The following PACRG variants were observed in gnomAD, a reference collection of about 807,000 sequenced individuals.
PACRG encodes the protein parkin coregulated.
In PACRG, 29 loss-of-function variants were observed where a neutral mutation model predicts 29.7. The ratio of observed to expected loss-of-function variants is 0.98; its 90% CI spans 0.73 to 1.33. The LOEUF is 1.33. Ranked by LOEUF, PACRG falls within the 40% of genes most tolerant of loss-of-function variation. The probability of loss-of-function intolerance (pLI) is 0.00; values close to 1 mark genes in which losing one functional copy is unlikely to be tolerated. For synonymous variants in PACRG, 116 were observed against 118.7 expected (o/e 0.98, Z 0.15); for missense variants, 279 against 316.2 (o/e 0.88, Z 0.89).
At chr6:162,805,725 A>T (rs116696691) in intron 1 of PACRG, among the ~76,000 whole-genome samples, 27 of 152,322 alleles carry the variant, frequency 1.8e-4, no homozygotes, top group Admixed American at 1.8e-3. Context: ...TGTTCAAAGT[A>T]TCTTCACCAG....
intron 2 of PACRG, among the ~76,000 whole-genome samples, chr6:162,858,691 T>C (rs1244124821): frequency 6.6e-6 from 1 of 152,148 alleles, no homozygotes; most frequent in Non-Finnish European, 1.5e-5. Context: ...GACTGGAGGA[T>C]GAAATGGCAT....
chr6:163,206,653 A>G (rs1309755740), intron 4 of PACRG, among the ~76,000 whole-genome samples: 1 of 152,168 alleles, frequency 6.6e-6, no homozygotes, highest in African/African-American at 2.4e-5. Flanking sequence ...TCTGAGACAC[A>G]TGTACCCCTG....
intron 2 of PACRG, among the ~76,000 whole-genome samples, chr6:162,868,660 G>A (rs1302325551): frequency 6.6e-6 from 1 of 152,088 alleles, no homozygotes; most frequent in African/African-American, 2.4e-5. Flanking sequence ...CCAGAGCACA[G>A]CCTCCTTTCC....
At chr6:162,727,449 G>A (rs1779316372), upstream of PACRG, among the ~76,000 whole-genome samples, 1 of 152,120 alleles carries the variant, frequency 6.6e-6, no homozygotes, top group South Asian at 2.1e-4. Context: ...GAGCAGGGGC[G>A]GGCAGGCGAG....
intron 1 of PACRG, among the ~76,000 whole-genome samples, chr6:162,778,951 C>T (rs536208767): frequency 2.2e-4 from 33 of 152,270 alleles, no homozygotes; most frequent in East Asian, 5.8e-4. Context: ...TGTGCCATGG[C>T]GGTTTGCTGC....
upstream of PACRG, chr6:162,727,321 G>GGGGCGGCGGCGGGGCGAAGGTGAA: frequency 3.7e-5 from 14 of 380,910 alleles, no homozygotes; most frequent in South Asian, 5.3e-4. Context: ...GCGAAGGTGA[G>GGGGCGGCGGCGGGGCGAAGGTGAA]GGGCGGCGGC....
chr6:163,209,339 C>G (rs996441365), intron 4 of PACRG, among the ~76,000 whole-genome samples: 3 of 152,164 alleles, frequency 2.0e-5, no homozygotes, highest in Non-Finnish European at 4.4e-5. Flanking sequence ...GAAAGTGGAG[C>G]TTTGCAAAAG....
intron 4 of PACRG, among the ~76,000 whole-genome samples, chr6:163,304,015 C>CAAAAAAAAAA (rs59861286): frequency 5.2e-5 from 4 of 76,246 alleles, no homozygotes; most frequent in East Asian, 4.0e-4. Context: ...GACTCCATTT[C>CAAAAAAAAAA]AAAAAAAAAA....
chr6:163,164,752 T>G (rs1456476464), intron 4 of PACRG, among the ~76,000 whole-genome samples: 3 of 152,232 alleles, frequency 2.0e-5, no homozygotes, highest in African/African-American at 7.2e-5. Flanking sequence ...GTGAACTAGA[T>G]AGGCCACATG....
intron 4 of PACRG, among the ~76,000 whole-genome samples, chr6:163,293,658 A>G (rs1224075437): frequency 6.6e-6 from 1 of 152,242 alleles, no homozygotes; most frequent in Non-Finnish European, 1.5e-5. Flanking sequence ...TTAAGAGGAC[A>G]TATAACAACA....
intron 2 of PACRG, among the ~76,000 whole-genome samples, chr6:163,041,461 T>G (rs2128237397): frequency 6.6e-6 from 1 of 152,254 alleles, no homozygotes; most frequent in African/African-American, 2.4e-5. Flanking sequence ...TCTCATGAGA[T>G]TTGATGGTTT....
At chr6:162,870,204 A>G (rs1792681844) in intron 2 of PACRG, among the ~76,000 whole-genome samples, 1 of 152,222 alleles carries the variant, frequency 6.6e-6, no homozygotes, top group South Asian at 2.1e-4. Context: ...TTTCACATGC[A>G]GGGAATGCAT....
intron 4 of PACRG, among the ~76,000 whole-genome samples, chr6:163,118,245 GGATGAACGGGTTTATGAATAGCA>G (rs1816107978): frequency 6.6e-6 from 1 of 152,134 alleles, no homozygotes; most frequent in African/African-American, 2.4e-5. Context: ...TTCAATTTTC[GGATGAACGGGTTTATGAATAGCA>G]GCGTATCACC....
chr6:162,785,572 G>T (rs1160803093), intron 1 of PACRG, among the ~76,000 whole-genome samples: 1 of 151,926 alleles, frequency 6.6e-6, no homozygotes, highest in African/African-American at 2.4e-5. Context: ...ACGGCCAGGG[G>T]GTGAAGGGGT....
At chr6:162,835,323 T>C (rs1384150292) in intron 2 of PACRG, among the ~76,000 whole-genome samples, 1 of 152,130 alleles carries the variant, frequency 6.6e-6, no homozygotes, top group Non-Finnish European at 1.5e-5. Flanking sequence ...TTGAGAATTA[T>C]TTATAAAGCA....
intron 2 of PACRG, among the ~76,000 whole-genome samples, chr6:162,869,743 A>G (rs542506172): frequency 3.3e-5 from 5 of 152,352 alleles, no homozygotes; most frequent in African/African-American, 4.8e-5. Flanking sequence ...TTCATTATCA[A>G]TAATACCATG....
chr6:163,251,569 T>C (rs1182200733), intron 4 of PACRG, among the ~76,000 whole-genome samples: 1 of 152,172 alleles, frequency 6.6e-6, no homozygotes, highest in Non-Finnish European at 1.5e-5. Context: ...TTAGTGTGTA[T>C]TAATCGTCCT....
At chr6:162,875,185 TCACA>T (rs149517993) in intron 2 of PACRG, among the ~76,000 whole-genome samples, 9 of 149,280 alleles carry the variant, frequency 6.0e-5, no homozygotes, top group African/African-American at 2.2e-4. Context: ...TCATACACAT[TCACA>T]CACACATCCA....
chr6:162,731,185 C>A (rs1779740033), intron 1 of PACRG, among the ~76,000 whole-genome samples: 1 of 151,962 alleles, frequency 6.6e-6, no homozygotes, highest in Non-Finnish European at 1.5e-5. Context: ...TGAAGTGGTC[C>A]AAAATACAAA....
Sources: gnomAD v4.1 joint callset for allele counts (sites outside exome capture counted in the v4.1 genomes callset) on GRCh38, gnomAD v4.1.1 for gene constraint, MANE v1.5 for transcripts, NCBI Gene and HGNC (gene_info 2026-07-23, HGNC 2026-07-21) for gene names.